Variants in MICAL3 observed in about 807,000 individuals in gnomAD.
The protein encoded by MICAL3 is microtubule associated monooxygenase, calponin and LIM domain containing 3.
In MICAL3, 62 loss-of-function variants were observed where a neutral mutation model predicts 207.4. That is an observed-to-expected ratio of 0.30 (90% CI 0.24 to 0.37). The LOEUF is 0.37. Among genes scored for constraint, MICAL3 ranks in the 10% least tolerant of loss-of-function variants. The probability of loss-of-function intolerance (pLI) is 1.00; values close to 1 mark genes in which losing one functional copy is unlikely to be tolerated. For missense variants in MICAL3, 2,368 were observed against 2,635.6 expected (o/e 0.90, Z 2.22); for synonymous variants, 1,077 against 1,069.3 (o/e 1.01, Z -0.14).
chr22:17,961,894 C>T (rs116963686), intron 1 of MICAL3, among the ~76,000 whole-genome samples: 90 of 152,276 alleles, frequency 5.9e-4, no homozygotes, highest in African/African-American at 1.3e-3. Context: ...GGGCAAGTGG[C>T]GGGGCTGTGC....
At chr22:17,838,739 G>A (rs1923673286) in intron 20 of MICAL3, among the ~76,000 whole-genome samples, 1 of 152,168 alleles carries the variant, frequency 6.6e-6, no homozygotes, top group African/African-American at 2.4e-5. Context: ...TGTGAAATGA[G>A]AGTTCCTTGG....
At chr22:17,832,649 CTTCT>C (rs1474046188) in intron 20 of MICAL3, among the ~76,000 whole-genome samples, 2 of 152,184 alleles carry the variant, frequency 1.3e-5, no homozygotes, top group South Asian at 2.1e-4. Context: ...AATGGAAAGT[CTTCT>C]CTCATCCTGG....
intron 1 of MICAL3, among the ~76,000 whole-genome samples, chr22:17,961,778 G>A (rs537051983): frequency 2.6e-4 from 39 of 152,250 alleles, no homozygotes; most frequent in African/African-American, 8.7e-4. Context: ...TAGAGTTAGC[G>A]CCCCTTCCAA....
chr22:17,863,901 G>GT, intron 19 of MICAL3: 1 of 985,440 alleles, frequency 1.0e-6, no homozygotes, highest in Non-Finnish European at 1.2e-6. Context: ...ATTTTTATGA[G>GT]TTTTGTATAT....
At chr22:17,895,526 A>C in intron 9 of MICAL3, 116 bp from the exon 10 acceptor site, 9 of 1,202,722 alleles carry the variant, frequency 7.5e-6, no homozygotes, top group South Asian at 1.4e-5. Context: ...ACAAATCCTC[A>C]TCCTTGACCA....
At chr22:17,894,796 CAA>C (rs549154429) in intron 10 of MICAL3, among the ~76,000 whole-genome samples, 30 of 78,278 alleles carry the variant, frequency 3.8e-4, no homozygotes, top group African/African-American at 5.1e-4. Context: ...GATTCCATCT[CAA>C]AAAAAAAAAA....
At chr22:17,870,419 T>C (rs769635676) in intron 17 of MICAL3, among the ~76,000 whole-genome samples, 6 of 152,206 alleles carry the variant, frequency 3.9e-5, no homozygotes, top group Non-Finnish European at 8.8e-5. Flanking sequence ...CGCCTGCTAC[T>C]CTTCATGGGT....
chr22:18,019,676 CAG>C, intron 1 of MICAL3: 2 of 149,886 alleles, frequency 1.3e-5, no homozygotes, highest in Non-Finnish European at 2.9e-5. Context: ...GCCTGGATGA[CAG>C]AGCAAGACTC....
At chr22:17,831,743 T>C in intron 21 of MICAL3, 111 bp downstream of exon 21, 1 of 1,477,216 alleles carries the variant, frequency 6.8e-7, no homozygotes, top group Non-Finnish European at 9.0e-7. Flanking sequence ...CCCTGGGCTG[T>C]GCAGGAGGCA....
chr22:17,858,381 G>C (rs1926150870), intron 19 of MICAL3: 2 of 743,446 alleles, frequency 2.7e-6, no homozygotes, highest in South Asian at 6.1e-5. Flanking sequence ...TGAGGCGCTT[G>C]GCTGGGTGAG....
intron 13 of MICAL3, among the ~76,000 whole-genome samples, chr22:17,888,242 C>T (rs1930099303): frequency 6.6e-6 from 1 of 152,132 alleles, no homozygotes; most frequent in Non-Finnish European, 1.5e-5. Context: ...AGTAACTTGC[C>T]TAAGGCCAAG....
At position 18,019,805 on chromosome 22, in the gene MICAL3, GATTTT is replaced by G. The variant is rs1446013997; in HGVS notation, c.-75+4471_-75+4475del. The G allele has an allele frequency of 8.5e-4, 109 of 128,244 alleles. 5 individuals carry two copies. The highest frequency in any genetic ancestry group is 1.3e-3 in the Non-Finnish European group (86 of 67,756). 7.9% of individuals were successfully genotyped at this position (128,244 alleles called of 1,614,324 possible). On this transcript the variant is annotated intron_variant, in intron 1 of 31. Coordinates refer to ENST00000441493, the MANE Select transcript of MICAL3 (RefSeq NM_015241.3). ...TACTAGAGAAAATGAGAATGCTGCT[GATTTT>G]TTTTTTTTTTTTTTTTTTTTTGAGA...
chr22:17,927,344 G>A (rs1932971254), intron 1 of MICAL3, among the ~76,000 whole-genome samples: 1 of 152,112 alleles, frequency 6.6e-6, no homozygotes, highest in South Asian at 2.1e-4. Flanking sequence ...ATGGACAACT[G>A]GGCTGTTTCT....
chr22:17,822,119 G>A lies in MICAL3; in HGVS notation c.3359C>T (p.Pro1120Leu), dbSNP rs373997340. ...PSDADRELRL[P>L]CPAEGEAELE... is the part of the protein sequence containing the mutation. ...CTCTGCTTCCCCCTCAGCTGGGCAC[G>A]GCAAACGCAGCTCTCTGTCAGCATC... Residue 1120 changes from proline (P) to leucine (L), a missense_variant, in exon 24 of 32, where the codon CCG (proline) becomes CTG (leucine). This residue lies in a region of MICAL3 where 1,770 missense variants were observed against 1,863.2 expected (regional missense o/e 0.95). Transcript: ENST00000441493. 3.7e-5 allele frequency: 59 copies of A among 1,613,700 alleles called. No individual in the cohort carries two copies. The highest frequency in any genetic ancestry group is 5.0e-5 in the Admixed American group (3 of 60,002).
At chr22:17,899,802 G>A (rs1293130369) in intron 6 of MICAL3, among the ~76,000 whole-genome samples, 2 of 152,122 alleles carry the variant, frequency 1.3e-5, no homozygotes, top group Non-Finnish European at 2.9e-5. Flanking sequence ...CTGTTTTTAC[G>A]GGAATAAAAA....
chr22:17,938,079 G>T (rs1435044360), intron 1 of MICAL3, among the ~76,000 whole-genome samples: 1 of 152,116 alleles, frequency 6.6e-6, no homozygotes, highest in Non-Finnish European at 1.5e-5. Flanking sequence ...AAAGTGTCAA[G>T]CATGGTACTG....
chr22:18,013,496 T>A (rs765592048), intron 1 of MICAL3, among the ~76,000 whole-genome samples: 1 of 152,230 alleles, frequency 6.6e-6, no homozygotes, highest in South Asian at 2.1e-4. Context: ...CAAGTCTGTC[T>A]GATGTGGGGT....
At chr22:17,947,892 G>A (rs5747428) in intron 1 of MICAL3, among the ~76,000 whole-genome samples, 18,669 of 151,840 alleles carry the variant, frequency 0.12, 1,482 homozygotes, top group East Asian at 0.21. Flanking sequence ...TCTTCAAACC[G>A]CTTCAAATAC....
At chr22:17,797,443 G>A (rs1251033562) in intron 29 of MICAL3, among the ~76,000 whole-genome samples, 6 of 152,146 alleles carry the variant, frequency 3.9e-5, no homozygotes, top group Non-Finnish European at 7.4e-5. Flanking sequence ...GCAGAGAGCC[G>A]TGACTGCACC....
Sources: gnomAD v4.1 joint callset for allele counts (sites outside exome capture counted in the v4.1 genomes callset) on GRCh38, gnomAD v4.1.1 for gene constraint, gnomAD v4.1.1 regional missense constraint, MANE v1.5 for transcripts, NCBI Gene and HGNC (gene_info 2026-07-23, HGNC 2026-07-21) for gene names.